The following R3HDM2 variants were observed in gnomAD, a reference collection of about 807,000 sequenced individuals.
R3HDM2 encodes the protein R3H domain-containing protein 2.
A neutral mutation model predicts 124.5 loss-of-function variants in R3HDM2; 38 were observed. That is an observed-to-expected ratio of 0.31 (90% CI 0.24 to 0.40). R3HDM2 has a LOEUF of 0.40. Ranked by LOEUF, R3HDM2 falls within the 10% of genes least tolerant of loss-of-function variation. The probability of loss-of-function intolerance (pLI) is 1.00; values close to 1 mark genes in which losing one functional copy is unlikely to be tolerated. For missense variants in R3HDM2, 869 were observed against 1,236.9 expected (o/e 0.70, Z 4.46); for synonymous variants, 391 against 448.0 (o/e 0.87, Z 1.61).
rs1251708340 is a variant in R3HDM2 at position 57,253,809 on chromosome 12, T to TC, written c.*963dup. 5.9e-6 allele frequency: 1 copy of TC among 169,278 alleles called. No homozygotes were observed. The highest frequency in any genetic ancestry group is 1.2e-5 in the Non-Finnish European group (1 of 81,960). 10.5% of individuals were successfully genotyped at this position (169,278 alleles called of 1,614,324 possible). A position where few individuals can be genotyped will look rare whatever the true frequency, so the allele number is the denominator to read the frequency against. On this transcript the variant is annotated 3_prime_UTR_variant, in exon 24 of 24. Coordinates refer to ENST00000402412, the MANE Select transcript of R3HDM2 (RefSeq NM_001394031.1). Reference sequence around the variant, plus strand: ...TTTATATTTAAAAACAAAACCAACCTCCCCCCAAATAACCCCCAAACAAAC... The same window carrying TC: ...TTTATATTTAAAAACAAAACCAACCTCCCCCCCAAATAACCCCCAAACAAAC...
At chr12:57,403,686 TG>T (rs1477122906) in intron 1 of R3HDM2, among the ~76,000 whole-genome samples, 1 of 151,734 alleles carries the variant, frequency 6.6e-6, no homozygotes, top group Non-Finnish European at 1.5e-5. Context: ...GGCTCACACC[TG>T]TAGTCCCAGC....
intron 19 of R3HDM2, among the ~76,000 whole-genome samples, chr12:57,261,737 C>A (rs1462586530): frequency 7.6e-6 from 1 of 131,112 alleles, no homozygotes; most frequent in Non-Finnish European, 1.6e-5. Flanking sequence ...TGAACTGTCA[C>A]TACTTCTTAA....
At chr12:57,348,519 C>T (rs2060277761) in intron 2 of R3HDM2, among the ~76,000 whole-genome samples, 1 of 151,908 alleles carries the variant, frequency 6.6e-6, no homozygotes, top group Admixed American at 6.6e-5. Flanking sequence ...CATGGCAAAA[C>T]CCCGTCTCTA....
chr12:57,312,067 C>T (rs1296077905), intron 2 of R3HDM2, among the ~76,000 whole-genome samples: 2 of 152,198 alleles, frequency 1.3e-5, no homozygotes, highest in Admixed American at 1.3e-4. Flanking sequence ...GACTTCTTTC[C>T]CTCCTTTACT....
At chr12:57,392,366 G>C (rs1037977949) in intron 2 of R3HDM2, among the ~76,000 whole-genome samples, 1 of 152,208 alleles carries the variant, frequency 6.6e-6, no homozygotes, top group African/African-American at 2.4e-5. Context: ...TCAGGCATTA[G>C]ATTTGCCTAA....
intron 2 of R3HDM2, among the ~76,000 whole-genome samples, chr12:57,328,816 G>C (rs2057702996): frequency 6.6e-6 from 1 of 152,138 alleles, no homozygotes; most frequent in Non-Finnish European, 1.5e-5. Flanking sequence ...TGCCTGGCCA[G>C]ATTATTCATT....
chr12:57,361,355 T>C (rs561250048), intron 2 of R3HDM2, among the ~76,000 whole-genome samples: 3 of 103,940 alleles, frequency 2.9e-5, no homozygotes, highest in African/African-American at 1.2e-4. Context: ...AGCCTGGGCA[T>C]CAAGAACGAA....
intron 2 of R3HDM2, among the ~76,000 whole-genome samples, chr12:57,377,456 A>G (rs1465940290): frequency 1.3e-5 from 2 of 152,198 alleles, no homozygotes; most frequent in East Asian, 1.9e-4. Context: ...TCATGAAGAG[A>G]TAACTGGGTA....
chr12:57,297,932 C>G (rs1162668408), intron 7 of R3HDM2, 158 bp downstream of exon 7: 3 of 624,110 alleles, frequency 4.8e-6, no homozygotes, highest in Non-Finnish European at 8.6e-6. Context: ...TATTTTGAAT[C>G]CCTCACAGAA....
At chr12:57,336,556 G>A (rs1358507320) in intron 2 of R3HDM2, among the ~76,000 whole-genome samples, 1 of 152,092 alleles carries the variant, frequency 6.6e-6, no homozygotes, top group Non-Finnish European at 1.5e-5. Flanking sequence ...AGCAAACTAA[G>A]GCAGGAACAG....
intron 1 of R3HDM2, among the ~76,000 whole-genome samples, chr12:57,404,953 G>A (rs953377013): frequency 3.9e-5 from 6 of 151,934 alleles, no homozygotes; most frequent in African/African-American, 1.5e-4. Flanking sequence ...TGAAACCTTT[G>A]AATCTTTAAG....
At chr12:57,283,753 T>C in intron 13 of R3HDM2, 71 bp downstream of exon 13, 1 of 1,462,060 alleles carries the variant, frequency 6.8e-7, no homozygotes, top group Non-Finnish European at 9.5e-7. Context: ...AAAAAGTAAA[T>C]ATCAGTGATG....
intron 2 of R3HDM2, among the ~76,000 whole-genome samples, chr12:57,384,920 G>C (rs576243466): frequency 7.9e-5 from 12 of 152,054 alleles, no homozygotes; most frequent in Non-Finnish European, 1.6e-4. Context: ...AGGCCGAGGC[G>C]GGTGGATCAC....
chr12:57,262,670 G>A (rs1166649320), intron 19 of R3HDM2, among the ~76,000 whole-genome samples: 2 of 152,186 alleles, frequency 1.3e-5, no homozygotes, highest in Non-Finnish European at 2.9e-5. Flanking sequence ...GGTGACAGAG[G>A]GGCCCTTGTG....
intron 2 of R3HDM2, among the ~76,000 whole-genome samples, chr12:57,349,072 C>T (rs1318649455): frequency 1.3e-5 from 2 of 151,630 alleles, no homozygotes; most frequent in Non-Finnish European, 2.9e-5. Flanking sequence ...CTGGATAATG[C>T]CAGAATTTGG....
intron 2 of R3HDM2, among the ~76,000 whole-genome samples, chr12:57,361,229 GC>G (rs932156601): frequency 6.6e-6 from 1 of 150,436 alleles, no homozygotes; most frequent in African/African-American, 2.4e-5. Context: ...TACAAAATGA[GC>G]CGAGCATGGT....
chr12:57,332,355 C>G (rs1328076790), intron 2 of R3HDM2, among the ~76,000 whole-genome samples: 1 of 128,544 alleles, frequency 7.8e-6, no homozygotes, highest in Non-Finnish European at 1.5e-5. Flanking sequence ...GTCAAGGCTA[C>G]AGTGAGCTGT....
chr12:57,423,628 A>G (rs1051299399), intron 1 of R3HDM2, among the ~76,000 whole-genome samples: 6 of 151,564 alleles, frequency 4.0e-5, no homozygotes, highest in Admixed American at 6.6e-5. Flanking sequence ...CCTGGCCAAC[A>G]TGGTGAAACC....
chr12:57,348,459 C>T (rs1381393547), intron 2 of R3HDM2, among the ~76,000 whole-genome samples: 1 of 151,716 alleles, frequency 6.6e-6, no homozygotes, highest in Admixed American at 6.6e-5. Flanking sequence ...TTTGGGAGGC[C>T]AAGGCAGGTG....
Sources: gnomAD v4.1 joint callset for allele counts (sites outside exome capture counted in the v4.1 genomes callset) on GRCh38, gnomAD v4.1.1 for gene constraint, MANE v1.5 for transcripts, NCBI Gene and HGNC (gene_info 2026-07-23, HGNC 2026-07-21) for gene names.